Variants in RMP64 observed in about 807,000 individuals in gnomAD.
The protein encoded by RMP64 is ribonuclease MRP subunit p64.
chr3:113,012,626 T>C, the RMP64 span: 2 of 681,774 alleles, frequency 2.9e-6, no homozygotes, highest in South Asian at 2.0e-5. Flanking sequence ...AGAGAATACC[T>C]GCACCTTCCA....
chr3:113,013,923 C>A, the RMP64 span: 2 of 1,486,972 alleles, frequency 1.3e-6, no homozygotes, highest in Non-Finnish European at 1.9e-6. Flanking sequence ...CAGCCCACCA[C>A]ATCACAAAGC....
chr3:113,013,810 T>A, the RMP64 span: 1 of 682,212 alleles, frequency 1.5e-6, no homozygotes. Flanking sequence ...AAACACCAGG[T>A]ACCCCACATT....
At chr3:113,004,031 T>G in the RMP64 span, 1 of 152,200 alleles carries the variant, frequency 6.6e-6, no homozygotes, top group African/African-American at 2.4e-5. Context: ...GTAAAGGATA[T>G]TCATTGAACA....
chr3:113,013,336 T>A, the RMP64 span: 7 of 1,613,754 alleles, frequency 4.3e-6, no homozygotes, highest in Non-Finnish European at 5.9e-6. Flanking sequence ...AAAACCTTCA[T>A]CAACACCAAC....
At chr3:113,013,952 C>T in the RMP64 span, 1 of 1,609,972 alleles carries the variant, frequency 6.2e-7, no homozygotes, top group Non-Finnish European at 8.5e-7. Flanking sequence ...CACTTACTTA[C>T]TTGGAAGAAA....
chr3:113,008,167 C>G, the RMP64 span: 1 of 1,612,206 alleles, frequency 6.2e-7, no homozygotes, highest in Non-Finnish European at 8.5e-7. Context: ...TGCAATATAC[C>G]TACCTAGTAC....
the RMP64 span, chr3:113,019,478 G>T: frequency 9.4e-6 from 13 of 1,384,624 alleles, no homozygotes; most frequent in African/African-American, 1.1e-4. Flanking sequence ...GCCCACATGC[G>T]CCGGCTGGGC....
chr3:113,006,016 A>C, the RMP64 span: 1 of 1,571,948 alleles, frequency 6.4e-7, no homozygotes, highest in East Asian at 2.2e-5. Context: ...TTTAAAAGAC[A>C]GAGAGAGGAA....
chr3:113,016,663 T>C, the RMP64 span, among the ~76,000 whole-genome samples: 2 of 152,204 alleles, frequency 1.3e-5, no homozygotes, highest in Non-Finnish European at 2.9e-5. Flanking sequence ...CTTTAAGTAC[T>C]AGGGGTAGAA....
the RMP64 span, chr3:113,005,810 C>T: frequency 3.7e-6 from 6 of 1,613,846 alleles, no homozygotes; most frequent in Non-Finnish European, 3.4e-6. Context: ...AGCACTCTTC[C>T]GAGTCCCTTG....
chr3:113,013,166 A>G, the RMP64 span: 1 of 1,221,714 alleles, frequency 8.2e-7, no homozygotes, highest in Non-Finnish European at 1.2e-6. Flanking sequence ...GAATTCCTGT[A>G]GGTTGTAACT....
chr3:113,019,517 C>G, the RMP64 span: 4 of 1,575,890 alleles, frequency 2.5e-6, no homozygotes, highest in Non-Finnish European at 2.6e-6. Context: ...AACGTTCCCC[C>G]ATCCTCGCCC....
chr3:113,019,641 C>A, the RMP64 span: 1 of 1,613,010 alleles, frequency 6.2e-7, no homozygotes, highest in Non-Finnish European at 8.5e-7. Context: ...GGCACCGCAG[C>A]CATCATGCGA....
At chr3:113,002,605 A>C in the RMP64 span, 1 of 152,374 alleles carries the variant, frequency 6.6e-6, no homozygotes, top group Non-Finnish European at 1.5e-5. Context: ...AGGGAAAGGC[A>C]AGAATGCTGT....
chr3:113,009,389 A>T, the RMP64 span: 2 of 152,210 alleles, frequency 1.3e-5, no homozygotes, highest in Admixed American at 1.3e-4. Flanking sequence ...TGATCAATAG[A>T]AGTAGTTTGC....
At chr3:113,008,075 G>T in the RMP64 span, 1 of 1,130,770 alleles carries the variant, frequency 8.8e-7, no homozygotes, top group Non-Finnish European at 1.3e-6. Flanking sequence ...CGCTGCGGCT[G>T]CTGGACATCA....
the RMP64 span, chr3:113,010,650 G>C: frequency 6.2e-7 from 1 of 1,613,150 alleles, no homozygotes; most frequent in Non-Finnish European, 8.5e-7. Context: ...AACCTGAGTA[G>C]CTTTGTGTTT....
chr3:113,008,710 G>A, the RMP64 span: 3 of 283,264 alleles, frequency 1.1e-5, no homozygotes, highest in Admixed American at 1.4e-4. Context: ...TGCTCACTAA[G>A]CTTTCCTTAT....
the RMP64 span, chr3:113,014,642 C>G: frequency 1.1e-4 from 17 of 152,010 alleles, no homozygotes; most frequent in African/African-American, 3.9e-4. Flanking sequence ...CATGAGCCAC[C>G]GCGCCTGGCC....
Sources: allele counts gnomAD v4.1 joint callset (sites outside exome capture counted in the v4.1 genomes callset), GRCh38; gene constraint gnomAD v4.1.1; transcripts MANE v1.5; gene names NCBI Gene and HGNC (gene_info 2026-07-23, HGNC 2026-07-21).